Variants in SNX6 observed in about 807,000 individuals in gnomAD.
SNX6 encodes the protein sorting nexin-6.
In SNX6, 34 loss-of-function variants were observed where a neutral mutation model predicts 63.0. The observed-to-expected ratio is 0.54, with a 90% CI of 0.41 to 0.72. The LOEUF (loss-of-function observed/expected upper bound fraction) is 0.72. Among genes scored for constraint, SNX6 ranks in the 30% least tolerant of loss-of-function variants. The pLI is 0.00. For missense variants in SNX6, 398 were observed against 471.4 expected, an observed-to-expected ratio of 0.84 and a Z score of 1.44; for synonymous variants, 170 against 164.2, an observed-to-expected ratio of 1.04 and a Z score of -0.27.
intron 11 of SNX6, 92 bp from the exon 12 acceptor site, chr14:34,568,105 G>A: frequency 1.9e-6 from 2 of 1,050,830 alleles, no homozygotes; most frequent in African/African-American, 1.6e-5. Flanking sequence ...ACAACCATCA[G>A]AGCTAACACA....
At chr14:34,604,182 G>C in intron 5 of SNX6, 1 of 1,288,244 alleles carries the variant, frequency 7.8e-7, no homozygotes, top group Non-Finnish European at 1.0e-6. Flanking sequence ...TCTCTGTGAG[G>C]GTAGTCATTC....
intron 11 of SNX6, among the ~76,000 whole-genome samples, chr14:34,571,299 G>T (rs1369988957): frequency 6.6e-6 from 1 of 151,892 alleles, no homozygotes; most frequent in African/African-American, 2.4e-5. Context: ...CGGGCGTGGT[G>T]GTGGGCGCCT....
At chr14:34,626,653 A>G (rs932492920) in intron 2 of SNX6, among the ~76,000 whole-genome samples, 4 of 141,116 alleles carry the variant, frequency 2.8e-5, no homozygotes, top group Middle Eastern at 3.6e-3. Flanking sequence ...TGGGCAACAG[A>G]GCGAGACTCC....
At chr14:34,568,255 G>A (rs1367158100) in intron 11 of SNX6, among the ~76,000 whole-genome samples, 2 of 147,516 alleles carry the variant, frequency 1.4e-5, no homozygotes, top group Non-Finnish European at 3.0e-5. Context: ...TTTTTAAGAC[G>A]GATTCTCGCT....
intron 2 of SNX6, among the ~76,000 whole-genome samples, chr14:34,611,442 A>G (rs1305104669): frequency 6.7e-6 from 1 of 149,492 alleles, no homozygotes; most frequent in Non-Finnish European, 1.5e-5. Context: ...ATGCCACTTC[A>G]CTCCAGCCTG....
At chr14:34,574,544 G>A (rs907282440) in intron 11 of SNX6, among the ~76,000 whole-genome samples, 1 of 147,410 alleles carries the variant, frequency 6.8e-6, no homozygotes, top group Non-Finnish European at 1.5e-5. Flanking sequence ...CAGCTACTCA[G>A]GAGGCTGAGG....
chr14:34,625,449 T>G (rs571466005), intron 2 of SNX6, among the ~76,000 whole-genome samples: 4 of 151,926 alleles, frequency 2.6e-5, no homozygotes, highest in African/African-American at 9.7e-5. Flanking sequence ...AAAGCAGTTA[T>G]CGGCCGGGCG....
intron 11 of SNX6, among the ~76,000 whole-genome samples, chr14:34,571,237 T>C (rs1189131959): frequency 6.0e-5 from 9 of 151,256 alleles, no homozygotes; most frequent in African/African-American, 2.2e-4. Flanking sequence ...ATCAAGACCA[T>C]CCTGGCTAAA....
intron 9 of SNX6, among the ~76,000 whole-genome samples, chr14:34,584,583 T>TATAC (rs768935311): frequency 2.7e-4 from 41 of 152,076 alleles, no homozygotes; most frequent in Admixed American, 7.9e-4. Flanking sequence ...CATAAACACA[T>TATAC]ATACATACAT....
chr14:34,602,590 CAAAAA>C (rs200915421), intron 6 of SNX6, among the ~76,000 whole-genome samples: 2 of 116,128 alleles, frequency 1.7e-5, no homozygotes, highest in Non-Finnish European at 3.6e-5. Flanking sequence ...GACTCTGTCT[CAAAAA>C]AAAAAAAAAA....
chr14:34,574,335 CA>C (rs752543547), intron 11 of SNX6, among the ~76,000 whole-genome samples: 3,153 of 101,784 alleles, frequency 0.031, 96 homozygotes, highest in African/African-American at 0.091. Context: ...GAGTCCACCT[CA>C]AAAAAAAAAA....
intron 7 of SNX6, among the ~76,000 whole-genome samples, chr14:34,595,081 A>G (rs1566478962): frequency 6.6e-6 from 1 of 152,184 alleles, no homozygotes; most frequent in Non-Finnish European, 1.5e-5. Context: ...CAACAGAGCA[A>G]GACCCTGTCT....
intron 2 of SNX6, among the ~76,000 whole-genome samples, chr14:34,626,382 C>T (rs897678918): frequency 3.3e-5 from 5 of 151,680 alleles, no homozygotes; most frequent in African/African-American, 9.7e-5. Context: ...GGGCCAGGCA[C>T]GGTGGCTCAC....
At position 34,605,580 on chromosome 14, in the gene SNX6, T is replaced by TA. The variant is rs1434318286; in HGVS notation, c.392+15dup. 6.7e-7 allele frequency: 1 copy of TA among 1,487,008 alleles called. No homozygotes were observed. The allele number at this position is 1,487,008 out of a possible 1,614,324, so 92.1% of individuals were successfully genotyped here. A position where few individuals can be genotyped will look rare whatever the true frequency, so the allele number is the denominator to read the frequency against. ...CAACCAAAAAAAAAAAACAAAAAAA[T>TA]AAAAAAATCACTTACGCTTCCAGTT... On this transcript the variant is annotated intron_variant, in intron 5 of 13. Transcript: ENST00000362031.
At chr14:34,618,367 G>GA (rs899968719) in intron 2 of SNX6, among the ~76,000 whole-genome samples, 1 of 151,796 alleles carries the variant, frequency 6.6e-6, no homozygotes, top group African/African-American at 2.4e-5. Context: ...TTTGGGGAGG[G>GA]GGGGATGGAG....
chr14:34,596,356 C>T (rs952542240), intron 7 of SNX6, among the ~76,000 whole-genome samples: 7 of 151,808 alleles, frequency 4.6e-5, no homozygotes, highest in Non-Finnish European at 8.8e-5. Context: ...CGCAGTGGTT[C>T]ACACCTGTAA....
chr14:34,592,420 G>T (rs1053958568), intron 8 of SNX6, among the ~76,000 whole-genome samples: 1 of 152,100 alleles, frequency 6.6e-6, no homozygotes, highest in African/African-American at 2.4e-5. Context: ...TGGCCGGAAA[G>T]AATATAGAGA....
chr14:34,630,087 C>A, intron 1 of SNX6, 24 bp downstream of exon 1: 2 of 1,450,612 alleles, frequency 1.4e-6, no homozygotes, highest in Admixed American at 3.0e-5. Flanking sequence ...GCTCCCGGGA[C>A]TCGGCGCCGC....
chr14:34,619,694 A>T (rs933974228), intron 2 of SNX6, among the ~76,000 whole-genome samples: 2 of 152,046 alleles, frequency 1.3e-5, no homozygotes, highest in Non-Finnish European at 2.9e-5. Context: ...CACATGTACA[A>T]TGTAACCTCA....
Sources: gnomAD v4.1 joint callset for allele counts (sites outside exome capture counted in the v4.1 genomes callset) on GRCh38, gnomAD v4.1.1 for gene constraint, MANE v1.5 for transcripts, NCBI Gene and HGNC (gene_info 2026-07-23, HGNC 2026-07-21) for gene names.